MAGI3: variants seen among roughly 807,000 people sequenced by gnomAD.
MAGI3 encodes the protein membrane associated guanylate kinase, WW and PDZ domain containing 3.
MAGI3 carries 43 observed loss-of-function variants against 121.8 expected under a neutral mutation model. The ratio of observed to expected loss-of-function variants is 0.35; its 90% CI spans 0.28 to 0.46. MAGI3 has a LOEUF of 0.46. MAGI3 is among the 20% of genes least tolerant of loss of function. The probability of loss-of-function intolerance (pLI) is 1.00; values close to 1 mark genes in which losing one functional copy is unlikely to be tolerated. For missense variants in MAGI3, 1,547 were observed against 1,797.3 expected (o/e 0.86, Z 2.52); for synonymous variants, 553 against 639.3 (o/e 0.86, Z 2.04).
intron 16 of MAGI3, among the ~76,000 whole-genome samples, chr1:113,669,122 TC>T (rs1647361570): frequency 6.6e-6 from 1 of 152,206 alleles, no homozygotes; most frequent in Non-Finnish European, 1.5e-5. Context: ...AATGGAATTT[TC>T]CCCATCATTT....
chr1:113,594,052 C>T (rs898013942), intron 5 of MAGI3, among the ~76,000 whole-genome samples: 37 of 152,292 alleles, frequency 2.4e-4, no homozygotes, highest in African/African-American at 7.0e-4. Flanking sequence ...ACAGTACCTA[C>T]GTATCACAGG....
intron 6 of MAGI3, among the ~76,000 whole-genome samples, chr1:113,603,893 G>GA (rs1557847450): frequency 6.6e-6 from 1 of 151,962 alleles, no homozygotes; most frequent in African/African-American, 2.4e-5. Flanking sequence ...ACAAACATAT[G>GA]AAAAAAAATG....
intron 6 of MAGI3, among the ~76,000 whole-genome samples, chr1:113,597,477 A>G (rs1293240334): frequency 6.6e-6 from 1 of 152,226 alleles, no homozygotes; most frequent in Admixed American, 6.5e-5. Context: ...TTATACCTCA[A>G]TAAAGTTGTT....
chr1:113,495,087 CTA>C (rs1656854447), intron 1 of MAGI3, among the ~76,000 whole-genome samples: 2 of 152,100 alleles, frequency 1.3e-5, no homozygotes, highest in South Asian at 2.1e-4. Context: ...ACCTTTTAGA[CTA>C]TGTTGTCGGC....
intron 1 of MAGI3, among the ~76,000 whole-genome samples, chr1:113,451,620 A>G (rs1436071053): frequency 2.0e-5 from 3 of 152,166 alleles, no homozygotes; most frequent in African/African-American, 7.2e-5. Context: ...GACATCAATT[A>G]AGGAGGGAAT....
intron 1 of MAGI3, among the ~76,000 whole-genome samples, chr1:113,460,965 A>G (rs1655003547): frequency 6.6e-6 from 1 of 152,188 alleles, no homozygotes; most frequent in Admixed American, 6.5e-5. Flanking sequence ...CAAATCAGAA[A>G]GGCAATCGAA....
At chr1:113,414,155 G>A (rs1486987942) in intron 1 of MAGI3, among the ~76,000 whole-genome samples, 1 of 152,114 alleles carries the variant, frequency 6.6e-6, no homozygotes, top group Non-Finnish European at 1.5e-5. Flanking sequence ...TTTGTCATTG[G>A]TTCTGTTTGT....
At chr1:113,502,806 T>C (rs1328889224) in intron 1 of MAGI3, among the ~76,000 whole-genome samples, 1 of 58,948 alleles carries the variant, frequency 1.7e-5, no homozygotes, top group Non-Finnish European at 2.9e-5. Context: ...TAGCAAAAAC[T>C]TGGAACCAAC....
At chr1:113,620,499 C>G (rs570569703) in intron 8 of MAGI3, among the ~76,000 whole-genome samples, 1 of 152,166 alleles carries the variant, frequency 6.6e-6, no homozygotes, top group Non-Finnish European at 1.5e-5. Context: ...TTCTCCACTT[C>G]GGTTGCCTAT....
At chr1:113,436,990 AT>A in intron 1 of MAGI3, among the ~76,000 whole-genome samples, 1 of 151,454 alleles carries the variant, frequency 6.6e-6, no homozygotes, top group Middle Eastern at 3.4e-3. Flanking sequence ...AATTTTTTGT[AT>A]TTTTAGTAGA....
chr1:113,548,107 A>T (rs1365394161), intron 1 of MAGI3, among the ~76,000 whole-genome samples: 1 of 152,218 alleles, frequency 6.6e-6, no homozygotes, highest in African/African-American at 2.4e-5. Context: ...AATAATAGTT[A>T]AAAAAATTAG....
At chr1:113,563,125 A>G (rs1217647317) in intron 2 of MAGI3, among the ~76,000 whole-genome samples, 1 of 152,242 alleles carries the variant, frequency 6.6e-6, no homozygotes. Flanking sequence ...ATACATTATG[A>G]TCAAGTGGAG....
chr1:113,533,856 T>C lies in MAGI3; in HGVS notation c.317-15659T>C, dbSNP rs532453427. Among the ~76,000 whole-genome samples the C allele has an allele frequency of 8.6e-5, 13 of 151,944 alleles. No individual in the cohort carries two copies. The East Asian group carries it at 2.3e-3, about 27-fold the overall frequency. ...GAATTTAAATTTGTCTTTATGATGCTGTTGTTTTTACCTTTTTCTTGGGAC... is the reference window on the plus strand; with the variant it reads ...GAATTTAAATTTGTCTTTATGATGCCGTTGTTTTTACCTTTTTCTTGGGAC... On this transcript the variant is annotated intron_variant, in intron 1 of 20. Coordinates refer to ENST00000307546, the MANE Select transcript of MAGI3 (RefSeq NM_001142782.2).
intron 10 of MAGI3, 62 bp downstream of exon 10, chr1:113,642,578 C>T (rs1477564536): frequency 2.0e-6 from 3 of 1,515,548 alleles, no homozygotes; most frequent in Non-Finnish European, 2.7e-6. Flanking sequence ...TACTGATTGT[C>T]TTTCCTTACA....
chr1:113,551,856 C>T (rs1441742851), intron 2 of MAGI3, among the ~76,000 whole-genome samples: 1 of 151,732 alleles, frequency 6.6e-6, no homozygotes, highest in Non-Finnish European at 1.5e-5. Context: ...TACCTTGATA[C>T]CTTTATATAA....
intron 1 of MAGI3, among the ~76,000 whole-genome samples, chr1:113,415,662 T>G (rs1160261425): frequency 6.6e-6 from 1 of 152,006 alleles, no homozygotes; most frequent in East Asian, 1.9e-4. Flanking sequence ...AGCATGCAAA[T>G]CTTACAAGTG....
At chr1:113,682,697 A>G (rs1011556101) in intron 20 of MAGI3, 200 bp from the exon 21 acceptor site, 1 of 979,294 alleles carries the variant, frequency 1.0e-6, no homozygotes, top group South Asian at 4.7e-5. Flanking sequence ...TATATAAACA[A>G]CCCATCCTTC....
intron 2 of MAGI3, among the ~76,000 whole-genome samples, chr1:113,575,101 A>G (rs1057143697): frequency 2.0e-4 from 30 of 152,016 alleles, no homozygotes; most frequent in African/African-American, 6.5e-4. Flanking sequence ...CCTTTTATCA[A>G]TGCTCTTAGC....
At chr1:113,631,922 T>C (rs1045029911) in intron 9 of MAGI3, among the ~76,000 whole-genome samples, 6 of 152,238 alleles carry the variant, frequency 3.9e-5, no homozygotes, top group African/African-American at 1.2e-4. Context: ...GGTTGAAGAC[T>C]AGTTTCTGAT....
Sources: gnomAD v4.1 joint callset for allele counts (sites outside exome capture counted in the v4.1 genomes callset) on GRCh38, gnomAD v4.1.1 for gene constraint, MANE v1.5 for transcripts, NCBI Gene and HGNC (gene_info 2026-07-23, HGNC 2026-07-21) for gene names.